The following KNL1 variants were observed in gnomAD, a reference collection of about 807,000 sequenced individuals.
KNL1 encodes outer kinetochore KNL1 complex subunit KNL1.
KNL1 carries 66 observed loss-of-function variants against 201.3 expected under a neutral mutation model. The ratio of observed to expected loss-of-function variants is 0.33; its 90% CI spans 0.27 to 0.40. The LOEUF is 0.40. Among genes scored for constraint, KNL1 ranks in the 10% least tolerant of loss-of-function variants. The pLI is 1.00. For missense variants in KNL1, 2,815 were observed against 2,690.5 expected, an observed-to-expected ratio of 1.05 and a Z score of -1.02; for synonymous variants, 895 against 899.2, an observed-to-expected ratio of 1.00 and a Z score of 0.08.
intron 7 of KNL1, among the ~76,000 whole-genome samples, chr15:40,613,859 G>A (rs1262976776): frequency 6.7e-6 from 1 of 149,822 alleles, no homozygotes; most frequent in Non-Finnish European, 1.5e-5. Flanking sequence ...GTGCAGTGGC[G>A]CCATCTCGGC....
chr15:40,605,573 A>G (rs879670457), intron 3 of KNL1, among the ~76,000 whole-genome samples: 3 of 152,188 alleles, frequency 2.0e-5, no homozygotes, highest in Admixed American at 6.5e-5. Context: ...TGTTTCAGCC[A>G]CCTGAGTAGC....
rs756530697 is a variant in KNL1 at position 40,650,316 on chromosome 15, A to C, written c.6110A>C (p.Glu2037Ala). The change falls in exon 18 of 26, where the codon GAG (glutamate) becomes GCG (alanine). Residue 2037 changes from glutamate to alanine, a missense_variant. Glu to Ala is a moderately radical substitution (Grantham distance 107). Coordinates refer to ENST00000399668, the MANE Select transcript of KNL1 (RefSeq NM_144508.5). ...TCTACTTTAGAAACTAAGAATTTGG[A>C]GGATGAAGAGAAAAACAATCCTGTG... ...TEMETETKNL[E>A]DEEKNNPVEE... The C allele has an allele frequency of 6.8e-6, 11 of 1,607,930 alleles. No individual in the cohort carries two copies. The highest frequency in any genetic ancestry group is 8.5e-6 in the Non-Finnish European group (10 of 1,174,848).
chr15:40,623,855 G>A lies in KNL1; in HGVS notation c.3591G>A (p.Leu1197=), dbSNP rs1305994261. 1.9e-6 allele frequency: 3 copies of A among 1,613,532 alleles called. No individual in the cohort carries two copies. Among genetic ancestry groups the A allele is most frequent in the Admixed American group, 1.7e-5 (1 of 59,956 alleles). The change falls in exon 10 of 26, where the codon TTG becomes TTA. Residue 1197 remains leucine, a synonymous_variant. Transcript: ENST00000399668. ...PKFGIGKGKN[L]GVSFPKDNSC... ...TTGGAATAGGAAAAGGAAAAAACTTGGGTGTTTCCTTTCCTAAGGATAATA... is the reference window on the plus strand; with the variant it reads ...TTGGAATAGGAAAAGGAAAAAACTTAGGTGTTTCCTTTCCTAAGGATAATA...
intron 23 of KNL1, 88 bp downstream of exon 23, chr15:40,657,239 T>C (rs1007845154): frequency 9.7e-7 from 1 of 1,029,772 alleles, no homozygotes; most frequent in Non-Finnish European, 1.5e-6. Flanking sequence ...TAATAGTGGA[T>C]CCTGAAATGA....
Position 40,622,688 on chromosome 15 carries a change from T to G in KNL1, c.2424T>G (p.Cys808Trp). Residue 808 changes from cysteine to tryptophan, a missense_variant, in exon 10 of 26, where the codon TGT (cysteine) becomes TGG (tryptophan). Transcript: ENST00000399668. ...NRQIAVKVEKCGKSPIEKSGV... is the reference protein window; with the variant it reads ...NRQIAVKVEKWGKSPIEKSGV... ...AGATAGCTGTAAAAGTTGAAAAATG[T>G]GGTAAAAGTCCCATAGAAAAAAGTG... 6.3e-7 allele frequency: 1 copy of G among 1,590,000 alleles called. No individual in the cohort carries two copies. The highest frequency in any genetic ancestry group is 8.5e-7 in the Non-Finnish European group (1 of 1,171,052).
Position 40,620,801 on chromosome 15 carries a change from C to T in KNL1, c.537C>T (p.Thr179=). ...GTGAAAAGTCCACCAAGATAGATAC[C>T]ACATCATTTCTAGCTAATTTAAAGC... The part of the protein sequence containing the change: ...PISEKSTKID[T]TSFLANLKLH... Residue 179 remains threonine (T), a synonymous_variant, in exon 10 of 26, where the codon ACC becomes ACT. Transcript: ENST00000399668. The T allele has an allele frequency of 6.2e-7, 1 of 1,609,456 alleles. No individual in the cohort carries two copies. The highest frequency in any genetic ancestry group is 8.5e-7 in the Non-Finnish European group (1 of 1,178,172).
Position 40,598,388 on chromosome 15 carries a change from A to G in KNL1, c.-18+3996A>G, listed in dbSNP as rs139955096. On this transcript the variant is annotated intron_variant, in intron 1 of 25. Coordinates refer to ENST00000399668, the MANE Select transcript of KNL1 (RefSeq NM_144508.5). ...AGCTCATGACAAGCCTGGGCAGCCT[A>G]GTAGACTCCAGCTCTACAAAAAATA... 2.2e-4 allele frequency among the ~76,000 whole-genome samples: 34 copies of G among 152,092 alleles called. 1 individual carries two copies. Among genetic ancestry groups the G allele is most frequent in the African/African-American group, 7.7e-4 (32 of 41,496 alleles).
intron 7 of KNL1, among the ~76,000 whole-genome samples, chr15:40,612,502 GT>G (rs920309619): frequency 6.6e-6 from 1 of 151,524 alleles, no homozygotes; most frequent in African/African-American, 2.4e-5. Flanking sequence ...CAAAAAAGAG[GT>G]TTTTTTGCTG....
At chr15:40,659,132 G>T (rs61454283) in intron 24 of KNL1, among the ~76,000 whole-genome samples, 1 of 151,626 alleles carries the variant, frequency 6.6e-6, no homozygotes, top group Non-Finnish European at 1.5e-5. Flanking sequence ...ACAAAATTTA[G>T]CTGGATGTGG....
At chr15:40,596,402 C>T (rs375185522) in intron 1 of KNL1, among the ~76,000 whole-genome samples, 6 of 152,170 alleles carry the variant, frequency 3.9e-5, no homozygotes, top group East Asian at 1.9e-4. Flanking sequence ...TCAGCTTCCG[C>T]AGTAACTGGG....
intron 6 of KNL1, among the ~76,000 whole-genome samples, chr15:40,611,212 A>G (rs929803270): frequency 6.6e-6 from 1 of 150,890 alleles, no homozygotes; most frequent in Non-Finnish European, 1.5e-5. Context: ...AGGTTCAAGC[A>G]ATTCTCCTAC....
chr15:40,645,840 T>G, intron 16 of KNL1, 68 bp downstream of exon 16: 1 of 813,492 alleles, frequency 1.2e-6, no homozygotes, highest in Non-Finnish European at 1.9e-6. Flanking sequence ...GGTTATAGAA[T>G]ATGAAGAATC....
intron 13 of KNL1, among the ~76,000 whole-genome samples, chr15:40,636,883 G>A (rs1223853408): frequency 1.3e-5 from 2 of 151,802 alleles, no homozygotes; most frequent in Admixed American, 6.6e-5. Flanking sequence ...CCCCTCCCCC[G>A]CATTATTGTG....
At chr15:40,630,315 A>G (rs1020413223) in intron 13 of KNL1, among the ~76,000 whole-genome samples, 1 of 150,780 alleles carries the variant, frequency 6.6e-6, no homozygotes, top group Non-Finnish European at 1.5e-5. Context: ...CCACAAAGAA[A>G]ACATTAATAA....
At position 40,622,429 on chromosome 15, in the gene KNL1, T is replaced by A. The variant is rs746751075; in HGVS notation, c.2165T>A (p.Val722Glu). Residue 722 changes from valine (V) to glutamate (E), a missense_variant, in exon 10 of 26, where the codon GTG (valine) becomes GAG (glutamate). Val to Glu is a moderately radical substitution (Grantham distance 121, BLOSUM62 -2). Transcript: ENST00000399668. ...GATACTGCTATAAGTAGTCATACAG[T>A]GAAATCTGTACTAGGCCAGAATTCT... ...NHDTAISSHT[V>E]KSVLGQNSKL... 1.9e-5 allele frequency: 31 copies of A among 1,613,764 alleles called. No homozygotes were observed. In the East Asian group the frequency reaches 6.9e-4, roughly 36 times the overall value.
chr15:40,650,149 A>G (rs1221160558), intron 17 of KNL1, 152 bp from the exon 18 acceptor site: 2 of 539,946 alleles, frequency 3.7e-6, no homozygotes, highest in Admixed American at 7.3e-5. Context: ...AATAGAAACC[A>G]TCAGACTAGA....
chr15:40,618,933 TAC>T, intron 8 of KNL1, 24 bp from the exon 9 acceptor site: 2 of 1,521,916 alleles, frequency 1.3e-6, no homozygotes, highest in Non-Finnish European at 1.8e-6. Flanking sequence ...ATTTTCTGAC[TAC>T]AGTTTTTTCT....
intron 14 of KNL1, among the ~76,000 whole-genome samples, chr15:40,644,123 C>T (rs1893316984): frequency 6.6e-6 from 1 of 152,210 alleles, no homozygotes; most frequent in Non-Finnish European, 1.5e-5. Flanking sequence ...TGAGTTCCCT[C>T]AGTTTTTATT....
chr15:40,610,811 T>C (rs1173266417), intron 6 of KNL1: 4 of 455,400 alleles, frequency 8.8e-6, no homozygotes, highest in Non-Finnish European at 1.8e-5. Flanking sequence ...TGCAGTGCAA[T>C]GGTGCCATCT....
Sources: allele counts gnomAD v4.1 joint callset (sites outside exome capture counted in the v4.1 genomes callset), GRCh38; gene constraint gnomAD v4.1.1; transcripts MANE v1.5; gene names NCBI Gene and HGNC (gene_info 2026-07-23, HGNC 2026-07-21).